Variants in MIPEP observed in about 807,000 individuals in gnomAD.
MIPEP encodes mitochondrial intermediate peptidase.
Under a neutral mutation model 90.3 loss-of-function variants are expected in MIPEP, and 79 were observed. That is an observed-to-expected ratio of 0.87 (90% CI 0.73 to 1.05). The LOEUF is 1.05. Among genes scored for constraint, MIPEP ranks in the 50% least tolerant of loss-of-function variants. The pLI is 0.00. For missense variants in MIPEP, 940 were observed against 905.6 expected, an observed-to-expected ratio of 1.04 and a Z score of -0.49; for synonymous variants, 334 against 315.8, an observed-to-expected ratio of 1.06 and a Z score of -0.61.
chr13:23,782,814 A>C (rs2137363846), intron 16 of MIPEP, among the ~76,000 whole-genome samples: 1 of 152,342 alleles, frequency 6.6e-6, no homozygotes. Context: ...ACCATCAGAG[A>C]ATACTATAAA....
chr13:23,853,093 A>G (rs1484430719), intron 10 of MIPEP, among the ~76,000 whole-genome samples: 3 of 152,350 alleles, frequency 2.0e-5, no homozygotes, highest in African/African-American at 7.2e-5. Flanking sequence ...TTTAAAAACT[A>G]AAAAGTTTAT....
At chr13:23,780,116 C>G (rs189511302) in intron 16 of MIPEP, among the ~76,000 whole-genome samples, 4 of 152,242 alleles carry the variant, frequency 2.6e-5, no homozygotes, top group African/African-American at 9.6e-5. Flanking sequence ...GTGGTTCTCC[C>G]AGCATGGAGT....
intron 16 of MIPEP, among the ~76,000 whole-genome samples, chr13:23,775,136 T>TGTGC (rs1392460612): frequency 2.6e-5 from 4 of 151,518 alleles, no homozygotes; most frequent in African/African-American, 9.7e-5. Context: ...TGTGTGTGTG[T>TGTGC]GTGTGTGTGT....
At chr13:23,874,301 T>G (rs550034830) in intron 5 of MIPEP, among the ~76,000 whole-genome samples, 78 of 152,246 alleles carry the variant, frequency 5.1e-4, no homozygotes, top group Admixed American at 5.1e-3. Context: ...TGGCCAGTGT[T>G]AGAAATTTTA....
intron 14 of MIPEP, among the ~76,000 whole-genome samples, chr13:23,822,796 CT>C (rs752665011): frequency 0.012 from 1,687 of 145,670 alleles, 35 homozygotes; most frequent in African/African-American, 0.038. Flanking sequence ...AGAATTGCAA[CT>C]TTTTTTTTTT....
At chr13:23,840,358 G>T (rs1320634161) in intron 11 of MIPEP, among the ~76,000 whole-genome samples, 1 of 152,160 alleles carries the variant, frequency 6.6e-6, no homozygotes, top group African/African-American at 2.4e-5. Context: ...CCTACTTGGT[G>T]CCAGGAACTC....
chr13:23,737,668 T>G (rs1383933258), intron 18 of MIPEP, among the ~76,000 whole-genome samples: 1 of 152,212 alleles, frequency 6.6e-6, no homozygotes, highest in South Asian at 2.1e-4. Flanking sequence ...TGGCCTCACC[T>G]GTTTAACCCT....
chr13:23,869,665 C>A (rs1034253078), intron 6 of MIPEP, among the ~76,000 whole-genome samples: 1 of 152,134 alleles, frequency 6.6e-6, no homozygotes, highest in African/African-American at 2.4e-5. Context: ...TTCTGAGGTA[C>A]GGTGGGGCAA....
intron 16 of MIPEP, among the ~76,000 whole-genome samples, chr13:23,778,434 G>A (rs9553062): frequency 0.21 from 31,796 of 152,032 alleles, 3,960 homozygotes; most frequent in East Asian, 0.43. Flanking sequence ...TTGGGGGCAC[G>A]AATCACCATA....
At chr13:23,784,569 T>C (rs1952817110) in intron 16 of MIPEP, among the ~76,000 whole-genome samples, 1 of 152,092 alleles carries the variant, frequency 6.6e-6, no homozygotes, top group Admixed American at 6.5e-5. Context: ...ATTCAGGACA[T>C]AGGCATGGGC....
At chr13:23,737,538 A>T (rs1427138649) in intron 18 of MIPEP, among the ~76,000 whole-genome samples, 1 of 152,146 alleles carries the variant, frequency 6.6e-6, no homozygotes, top group Non-Finnish European at 1.5e-5. Flanking sequence ...AAATCCTGTC[A>T]GCTCCAGGAT....
chr13:23,850,458 C>G (rs542554898), intron 10 of MIPEP, among the ~76,000 whole-genome samples: 4 of 152,310 alleles, frequency 2.6e-5, no homozygotes. Flanking sequence ...GTCTTGACTT[C>G]TGAAGCTAGT....
At chr13:23,739,814 T>C (rs1318469204) in intron 18 of MIPEP, among the ~76,000 whole-genome samples, 1 of 151,814 alleles carries the variant, frequency 6.6e-6, no homozygotes, top group African/African-American at 2.4e-5. Flanking sequence ...AAGGAAATGT[T>C]TACTAAGCAC....
intron 1 of MIPEP, 106 bp from the exon 2 acceptor site, chr13:23,886,612 GGT>G: frequency 1.1e-6 from 1 of 889,252 alleles, no homozygotes; most frequent in Non-Finnish European, 1.6e-6. Flanking sequence ...GACTTTCATT[GGT>G]GTATCATGTT....
chr13:23,810,127 T>C (rs1310848442), intron 14 of MIPEP, among the ~76,000 whole-genome samples: 1 of 152,182 alleles, frequency 6.6e-6, no homozygotes, highest in East Asian at 1.9e-4. Flanking sequence ...AAAGTGGTAA[T>C]TGTCAAATAA....
chr13:23,802,692 A>G (rs1953058124), intron 16 of MIPEP, among the ~76,000 whole-genome samples: 1 of 152,088 alleles, frequency 6.6e-6, no homozygotes, highest in South Asian at 2.1e-4. Flanking sequence ...CAACTTAAAG[A>G]TTTTTTAACT....
At position 23,758,933 on chromosome 13, in the gene MIPEP, T is replaced by C. The variant is rs76931942; in HGVS notation, c.1970+1163A>G. Among the ~76,000 whole-genome samples the C allele has an allele frequency of 5.9e-3, 891 of 152,280 alleles. 16 individuals are homozygous for C. Among genetic ancestry groups the C allele is most frequent in the African/African-American group, 0.021 (856 of 41,538 alleles). ...TTTTCTCTGAGCCTCAGTTTTCTCT[T>C]ATAAAACGTGCTGGTTTCTGCCAAG... On this transcript the variant is annotated intron_variant, in intron 17 of 18. Coordinates refer to ENST00000382172, the MANE Select transcript of MIPEP (RefSeq NM_005932.4).
intron 18 of MIPEP, among the ~76,000 whole-genome samples, chr13:23,734,148 A>C (rs1037566593): frequency 6.6e-6 from 1 of 152,212 alleles, no homozygotes; most frequent in African/African-American, 2.4e-5. Context: ...CATTTAATTA[A>C]GACATGGCTT....
chr13:23,807,342 A>G (rs763672364), intron 15 of MIPEP, among the ~76,000 whole-genome samples: 5 of 152,232 alleles, frequency 3.3e-5, no homozygotes, highest in Non-Finnish European at 5.9e-5. Context: ...ATTTTAAAGG[A>G]CAAATTTTGA....
Sources: gnomAD v4.1 joint callset for allele counts (sites outside exome capture counted in the v4.1 genomes callset) on GRCh38, gnomAD v4.1.1 for gene constraint, MANE v1.5 for transcripts, NCBI Gene and HGNC (gene_info 2026-07-23, HGNC 2026-07-21) for gene names.